Variants in CSMD2 observed in about 807,000 individuals in gnomAD.
CSMD2 encodes the protein CUB and sushi domain-containing protein 2.
CSMD2 carries 130 observed loss-of-function variants against 398.5 expected under a neutral mutation model. The ratio of observed to expected loss-of-function variants is 0.33; its 90% CI spans 0.28 to 0.38. The LOEUF is 0.38. Among genes scored for constraint, CSMD2 ranks in the 10% least tolerant of loss-of-function variants. The pLI is 1.00. For synonymous variants in CSMD2, 1,828 were observed against 1,908.5 expected (o/e 0.96, Z 1.10); for missense variants, 3,829 against 4,764.9 (o/e 0.80, Z 5.78).
chr1:34,102,965 AT>A (rs1472262186), intron 1 of CSMD2, among the ~76,000 whole-genome samples: 1 of 152,022 alleles, frequency 6.6e-6, no homozygotes, highest in Admixed American at 6.6e-5. Flanking sequence ...GTGGGGCACC[AT>A]TTTTTTCTCT....
At chr1:33,645,411 T>C (rs562768516) in intron 29 of CSMD2, among the ~76,000 whole-genome samples, 3 of 151,056 alleles carry the variant, frequency 2.0e-5, no homozygotes, top group Admixed American at 6.6e-5. Flanking sequence ...AATATGCATG[T>C]ATAAAATATC....
intron 1 of CSMD2, among the ~76,000 whole-genome samples, chr1:34,103,529 TTG>T (rs1343457888): frequency 1.3e-4 from 20 of 152,122 alleles, no homozygotes; most frequent in Non-Finnish European, 2.5e-4. Context: ...TGATCTGACC[TTG>T]CGATTCGCCC....
chr1:33,662,866 G>C, intron 26 of CSMD2, 24 bp downstream of exon 26: 1 of 1,610,144 alleles, frequency 6.2e-7, no homozygotes, highest in Non-Finnish European at 8.5e-7. Flanking sequence ...TGTGGAGTGG[G>C]GCTGGCAGAG....
At position 33,542,842 on chromosome 1, in the gene CSMD2, T is replaced by C; in HGVS notation, c.9155A>G (p.Asp3052Gly). Residue 3052 changes from aspartate (D) to glycine (G), a missense_variant, in exon 58 of 71, where the codon GAT becomes GGT. Physicochemically the swap from Asp to Gly is moderately conservative, Grantham distance 94. Around this residue, in one of 5 missense-constraint regions of CSMD2, gnomAD observed 917 missense variants for 1,199.5 expected, o/e 0.76. Coordinates refer to ENST00000373381, the MANE Select transcript of CSMD2 (RefSeq NM_001281956.2). ...GATAGAGCTGGAGAAAACCAGGCCA[T>C]CACTGAACACAACTCGGGCATTACT... The part of the protein sequence containing the change: ...TPSNARVVFS[D>G]GLVFSSSIVY... The C allele has an allele frequency of 1.9e-6, 3 of 1,614,158 alleles. No homozygotes were observed. Among genetic ancestry groups the C allele is most frequent in the Non-Finnish European group, 1.7e-6 (2 of 1,180,026 alleles).
At chr1:33,766,780 A>G (rs1386448435) in intron 13 of CSMD2, among the ~76,000 whole-genome samples, 1 of 152,272 alleles carries the variant, frequency 6.6e-6, no homozygotes, top group East Asian at 1.9e-4. Flanking sequence ...AAACGAGAAA[A>G]CCACAAAGTT....
At chr1:33,901,214 A>G (rs894661281) in intron 5 of CSMD2, among the ~76,000 whole-genome samples, 2 of 152,232 alleles carry the variant, frequency 1.3e-5, no homozygotes, top group African/African-American at 4.8e-5. Flanking sequence ...CTGTTTATTT[A>G]TCTTGACATT....
chr1:33,654,061 G>C (rs1329173540), intron 27 of CSMD2, among the ~76,000 whole-genome samples: 1 of 152,090 alleles, frequency 6.6e-6, no homozygotes, highest in Non-Finnish European at 1.5e-5. Flanking sequence ...ACAAATGGTA[G>C]GTCTTCAGGT....
chr1:34,003,628 T>C (rs1345077779), intron 3 of CSMD2, among the ~76,000 whole-genome samples: 1 of 152,176 alleles, frequency 6.6e-6, no homozygotes, highest in Non-Finnish European at 1.5e-5. Flanking sequence ...ATGGATTAGG[T>C]TGCTCTAAGC....
chr1:34,134,828 T>C (rs1638547669), intron 1 of CSMD2, among the ~76,000 whole-genome samples: 2 of 152,188 alleles, frequency 1.3e-5, no homozygotes, highest in African/African-American at 4.8e-5. Context: ...GAAAAGATGC[T>C]TAGTTTCAGT....
At chr1:33,653,552 G>A (rs1273267322) in intron 27 of CSMD2, among the ~76,000 whole-genome samples, 1 of 152,106 alleles carries the variant, frequency 6.6e-6, no homozygotes, top group Non-Finnish European at 1.5e-5. Context: ...CTACGTGGTC[G>A]CCCTCCCCTG....
chr1:33,831,774 G>A (rs376399566), intron 6 of CSMD2, among the ~76,000 whole-genome samples: 6 of 151,806 alleles, frequency 4.0e-5, no homozygotes, highest in Non-Finnish European at 7.4e-5. Flanking sequence ...CCCATCTCAC[G>A]TGCAGAGACA....
In CSMD2 at chr1:33,730,630, A is replaced by C. The variant is rs1054170655; in HGVS notation, c.2369-3945T>G. ...ACAAAAAGAAATGAAAAAAAAAAAA[A>C]CCCTTAAACTATTCTCTGTAATTAT... On this transcript the variant is annotated intron_variant, in intron 15 of 70. Coordinates refer to ENST00000373381, the MANE Select transcript of CSMD2 (RefSeq NM_001281956.2). Among the ~76,000 whole-genome samples the C allele has an allele frequency of 4.1e-5, 6 of 146,132 alleles. No homozygotes were observed. The South Asian group carries it at 1.1e-3, about 26-fold the overall frequency.
At chr1:33,923,029 A>G (rs1295376509) in intron 4 of CSMD2, among the ~76,000 whole-genome samples, 1 of 152,258 alleles carries the variant, frequency 6.6e-6, no homozygotes, top group Non-Finnish European at 1.5e-5. Context: ...TTAGCATATC[A>G]ATCAACTCAC....
At chr1:33,699,567 T>C (rs547346849) in intron 23 of CSMD2, among the ~76,000 whole-genome samples, 27 of 152,324 alleles carry the variant, frequency 1.8e-4, no homozygotes, top group African/African-American at 6.3e-4. Context: ...GTGTCTCTAA[T>C]CCTCTTCCAC....
At chr1:33,672,337 C>T (rs549387217) in intron 25 of CSMD2, among the ~76,000 whole-genome samples, 8 of 152,334 alleles carry the variant, frequency 5.3e-5, no homozygotes, top group East Asian at 1.9e-4. Flanking sequence ...GCACCTGGCT[C>T]GGAGGGTCCT....
intron 26 of CSMD2, among the ~76,000 whole-genome samples, chr1:33,662,612 A>T (rs1218999795): frequency 6.6e-6 from 1 of 152,056 alleles, no homozygotes; most frequent in Non-Finnish European, 1.5e-5. Context: ...TCTTTTCTGG[A>T]ACATCTTCCT....
intron 1 of CSMD2, among the ~76,000 whole-genome samples, chr1:34,103,028 G>T (rs1644187313): frequency 6.6e-6 from 1 of 152,144 alleles, no homozygotes; most frequent in African/African-American, 2.4e-5. Flanking sequence ...GATGCTCACA[G>T]AATAGTTGTT....
chr1:33,668,861 T>C (rs1644398185), intron 25 of CSMD2, among the ~76,000 whole-genome samples: 1 of 152,196 alleles, frequency 6.6e-6, no homozygotes, highest in Admixed American at 6.5e-5. Context: ...GCTGCAGAAA[T>C]GTGCAAGGCT....
chr1:34,090,511 G>A, intron 1 of CSMD2, among the ~76,000 whole-genome samples: 1 of 151,914 alleles, frequency 6.6e-6, no homozygotes, highest in South Asian at 2.1e-4. Context: ...TGCTCTCGAT[G>A]TCCCCCCACC....
Sources: allele counts gnomAD v4.1 joint callset (sites outside exome capture counted in the v4.1 genomes callset), GRCh38; gene constraint gnomAD v4.1.1; regional missense constraint gnomAD v4.1.1; transcripts MANE v1.5; gene names NCBI Gene and HGNC (gene_info 2026-07-23, HGNC 2026-07-21).